SIPA1L1: variants seen among roughly 807,000 people sequenced by gnomAD.
SIPA1L1 encodes signal induced proliferation associated 1 like 1, also known as signal-induced proliferation-associated 1-like protein 1.
Under a neutral mutation model 162.7 loss-of-function variants are expected in SIPA1L1, and 26 were observed. That is an observed-to-expected ratio of 0.16 (90% confidence interval 0.12 to 0.22). The LOEUF is 0.22. SIPA1L1 is among the 10% of genes least tolerant of loss of function. The pLI, the probability that SIPA1L1 is intolerant of heterozygous loss-of-function variation, is 1.00. For missense variants in SIPA1L1, 1,874 were observed against 2,241.0 expected, an observed-to-expected ratio of 0.84 and a Z score of 3.31; for synonymous variants, 829 against 837.4, an observed-to-expected ratio of 0.99 and a Z score of 0.17.
At chr14:71,497,146 G>A (rs2049851756) in intron 2 of SIPA1L1, among the ~76,000 whole-genome samples, 1 of 151,856 alleles carries the variant, frequency 6.6e-6, no homozygotes, top group Admixed American at 6.6e-5. Context: ...TCCAGCCTGG[G>A]CAACAAGAGC....
chr14:71,564,807 CT>C (rs1441503423), intron 4 of SIPA1L1, among the ~76,000 whole-genome samples: 1 of 152,102 alleles, frequency 6.6e-6, no homozygotes, highest in Non-Finnish European at 1.5e-5. Context: ...CATTTTCTTT[CT>C]TCTTTCTTTA....
intron 2 of SIPA1L1, among the ~76,000 whole-genome samples, chr14:71,439,203 C>G (rs1160775284): frequency 6.6e-6 from 1 of 152,082 alleles, no homozygotes; most frequent in African/African-American, 2.4e-5. Flanking sequence ...TCATTGAACT[C>G]AAAATTAAAC....
At chr14:71,646,510 A>G (rs1216591558) in intron 7 of SIPA1L1, among the ~76,000 whole-genome samples, 1 of 152,194 alleles carries the variant, frequency 6.6e-6, no homozygotes, top group East Asian at 1.9e-4. Context: ...ATTGTATGAG[A>G]GGAAGAGCAA....
At chr14:71,461,233 C>T (rs149650385) in intron 2 of SIPA1L1, among the ~76,000 whole-genome samples, 1,553 of 152,258 alleles carry the variant, frequency 0.01, 28 homozygotes, top group African/African-American at 0.036. Flanking sequence ...CTGATCACCC[C>T]GAGGAATGGT....
chr14:71,523,555 C>T (rs2052568975), intron 3 of SIPA1L1, among the ~76,000 whole-genome samples: 1 of 152,188 alleles, frequency 6.6e-6, no homozygotes, highest in African/African-American at 2.4e-5. Context: ...TTTATCAACT[C>T]TTCCAATAAT....
chr14:71,446,014 A>G (rs990481697), intron 2 of SIPA1L1, among the ~76,000 whole-genome samples: 1 of 151,828 alleles, frequency 6.6e-6, no homozygotes, highest in Non-Finnish European at 1.5e-5. Flanking sequence ...ATGCCCAACT[A>G]ATTTTGTTAT....
chr14:71,713,217 T>C (rs2083009917), intron 17 of SIPA1L1, among the ~76,000 whole-genome samples: 1 of 152,224 alleles, frequency 6.6e-6, no homozygotes, highest in Non-Finnish European at 1.5e-5. Context: ...CTTTTCTTTA[T>C]GTTTTTTGCC....
chr14:71,717,621 A>G (rs1258296094), intron 17 of SIPA1L1, among the ~76,000 whole-genome samples: 1 of 152,218 alleles, frequency 6.6e-6, no homozygotes, highest in Non-Finnish European at 1.5e-5. Context: ...GCCCAGCCAC[A>G]CAGCTCCCCT....
intron 4 of SIPA1L1, chr14:71,576,600 A>T (rs986922435): frequency 6.6e-6 from 1 of 152,194 alleles, no homozygotes; most frequent in African/African-American, 2.4e-5. Context: ...ATTCTTTATA[A>T]TTTACAGTTT....
At chr14:71,483,772 G>C (rs2048526887) in intron 2 of SIPA1L1, among the ~76,000 whole-genome samples, 1 of 152,148 alleles carries the variant, frequency 6.6e-6, no homozygotes, top group Non-Finnish European at 1.5e-5. Flanking sequence ...GAAAGTTCAG[G>C]AGTCTTCATG....
intron 2 of SIPA1L1, among the ~76,000 whole-genome samples, chr14:71,475,985 T>C (rs183997202): frequency 6.6e-6 from 1 of 152,320 alleles, no homozygotes; most frequent in East Asian, 1.9e-4. Flanking sequence ...ATTTACTCCA[T>C]TGAGGAAAGC....
intron 10 of SIPA1L1, among the ~76,000 whole-genome samples, chr14:71,666,791 T>TA (rs2044045587): frequency 1.4e-5 from 2 of 146,754 alleles, no homozygotes; most frequent in South Asian, 4.2e-4. Flanking sequence ...TCCTATTAAG[T>TA]AAAATGTCTA....
At chr14:71,528,090 A>T (rs1391172146) in intron 3 of SIPA1L1, among the ~76,000 whole-genome samples, 2 of 152,172 alleles carry the variant, frequency 1.3e-5, no homozygotes, top group African/African-American at 4.8e-5. Flanking sequence ...CAATTCCAGC[A>T]TCTTAAAAAT....
intron 23 of SIPA1L1, 48 bp downstream of exon 23, chr14:71,738,373 C>A: frequency 1.5e-6 from 2 of 1,311,044 alleles, no homozygotes; most frequent in Non-Finnish European, 2.2e-6. Flanking sequence ...ACAAACTACC[C>A]TTGAACCATG....
intron 12 of SIPA1L1, among the ~76,000 whole-genome samples, chr14:71,673,116 G>A (rs1251979050): frequency 6.6e-6 from 1 of 152,216 alleles, no homozygotes; most frequent in East Asian, 1.9e-4. Context: ...GCATGTGCTA[G>A]GGTTTGGCTT....
intron 2 of SIPA1L1, among the ~76,000 whole-genome samples, chr14:71,326,080 T>TA (rs2033760912): frequency 6.6e-6 from 1 of 152,206 alleles, no homozygotes; most frequent in African/African-American, 2.4e-5. Flanking sequence ...AGGTCTAGGT[T>TA]AAATGAATTT....
chr14:71,506,186 G>A (rs189623088), intron 2 of SIPA1L1, among the ~76,000 whole-genome samples: 40 of 152,190 alleles, frequency 2.6e-4, no homozygotes, highest in Middle Eastern at 3.4e-3. Context: ...TATGTCTATT[G>A]TTGGATAATT....
At position 71,338,133 on chromosome 14, in the gene SIPA1L1, G is replaced by GTCT. The variant is rs564060380; in HGVS notation, c.-465+16954_-465+16956dup. 2.3e-3 allele frequency among the ~76,000 whole-genome samples: 351 copies of GTCT among 152,198 alleles called. 3 individuals carry two copies. The highest frequency in any genetic ancestry group is 7.8e-3 in the African/African-American group (324 of 41,528). On this transcript the variant is annotated intron_variant, in intron 2 of 23. Transcript: ENST00000381232. ...TTCAAGACCCACCTTCTTCATTGAT[G>GTCT]TCTTGCTGGTTACCATAACACACCC...
intron 10 of SIPA1L1, among the ~76,000 whole-genome samples, chr14:71,667,206 G>C (rs932949593): frequency 6.6e-6 from 1 of 152,064 alleles, no homozygotes; most frequent in African/African-American, 2.4e-5. Context: ...AGAACAGCAT[G>C]CTCTGCCCCT....
Sources: allele counts gnomAD v4.1 joint callset (sites outside exome capture counted in the v4.1 genomes callset), GRCh38; gene constraint gnomAD v4.1.1; transcripts MANE v1.5; gene names NCBI Gene and HGNC (gene_info 2026-07-23, HGNC 2026-07-21).